The following MSRB3 variants were observed in gnomAD, a reference collection of about 807,000 sequenced individuals.
MSRB3 encodes methionine sulfoxide reductase B3.
MSRB3 carries 13 observed loss-of-function variants against 21.0 expected under a neutral mutation model. The ratio of observed to expected loss-of-function variants is 0.62; its 90% confidence interval spans 0.40 to 0.98. The LOEUF (loss-of-function observed/expected upper bound fraction) is 0.98. Among genes scored for constraint, MSRB3 ranks in the 50% least tolerant of loss-of-function variants. The pLI is 0.00. For synonymous variants in MSRB3, 87 were observed against 88.6 expected, an observed-to-expected ratio of 0.98 and a Z score of 0.10; for missense variants, 199 against 230.3, an observed-to-expected ratio of 0.86 and a Z score of 0.88.
At chr12:65,430,396 ACT>A (rs1330073666) in intron 5 of MSRB3, among the ~76,000 whole-genome samples, 2 of 152,112 alleles carry the variant, frequency 1.3e-5, no homozygotes, top group Non-Finnish European at 2.9e-5. Context: ...TGTACATTAT[ACT>A]CTGTTTGTCC....
chr12:65,398,061 A>G (rs539000050), intron 5 of MSRB3, among the ~76,000 whole-genome samples: 34 of 152,354 alleles, frequency 2.2e-4, no homozygotes, highest in African/African-American at 7.2e-4. Context: ...CAGTGCTGCA[A>G]TAAACATACG....
At chr12:65,394,556 A>G (rs1357447668) in intron 5 of MSRB3, among the ~76,000 whole-genome samples, 1 of 152,242 alleles carries the variant, frequency 6.6e-6, no homozygotes, top group Non-Finnish European at 1.5e-5. Context: ...CTCTTCCAAA[A>G]AATAGAAGAG....
At chr12:65,449,688 G>T (rs1565897444) in intron 5 of MSRB3, among the ~76,000 whole-genome samples, 1 of 152,172 alleles carries the variant, frequency 6.6e-6, no homozygotes, top group Admixed American at 6.5e-5. Flanking sequence ...TTCATGAGTA[G>T]TTTCTGCTGG....
At chr12:65,403,165 G>A (rs1880224591) in intron 5 of MSRB3, among the ~76,000 whole-genome samples, 1 of 152,358 alleles carries the variant, frequency 6.6e-6, no homozygotes, top group African/African-American at 2.4e-5. Flanking sequence ...TTCAGAGCTG[G>A]CAGGCAGGAA....
chr12:65,430,038 A>G (rs748229419), intron 5 of MSRB3, among the ~76,000 whole-genome samples: 12 of 152,082 alleles, frequency 7.9e-5, no homozygotes, highest in Non-Finnish European at 1.6e-4. Context: ...AGAGATGACA[A>G]TTGAATTGCC....
In MSRB3 at chr12:65,371,034, A is replaced by G. The variant is rs555174384; in HGVS notation, c.292+2008A>G. 2.4e-4 allele frequency among the ~76,000 whole-genome samples: 36 copies of G among 152,320 alleles called. No individual in the cohort carries two copies. In the South Asian group the frequency reaches 7.0e-3, roughly 30 times the overall value. On this transcript the variant is annotated intron_variant, in intron 5 of 6. Coordinates refer to ENST00000308259, the MANE Select transcript of MSRB3 (RefSeq NM_001031679.3). ...TATCATGAAAATTTTGGTTAGAAAT[A>G]AGGTAGCATAGGGCCGGGCACAGTG...
At chr12:65,458,425 A>G (rs1883185560) in intron 6 of MSRB3, among the ~76,000 whole-genome samples, 1 of 152,210 alleles carries the variant, frequency 6.6e-6, no homozygotes, top group Non-Finnish European at 1.5e-5. Context: ...TAATGTTTTT[A>G]GTAAAGATTT....
chr12:65,440,160 T>A (rs1362105781), intron 5 of MSRB3, among the ~76,000 whole-genome samples: 1 of 151,800 alleles, frequency 6.6e-6, no homozygotes, highest in Non-Finnish European at 1.5e-5. Context: ...TACTATAGCA[T>A]ATACTTAGTG....
chr12:65,300,558 T>G lies in MSRB3; in HGVS notation c.-51-7971T>G, dbSNP rs137864102. 5.3e-4 allele frequency among the ~76,000 whole-genome samples: 81 copies of G among 152,294 alleles called. 2 individuals are homozygous for G. Among genetic ancestry groups the G allele is most frequent in the African/African-American group, 1.8e-3 (76 of 41,564 alleles). ...GGAGTTTGGAATGTAGTAGAAGAGATTAAAATAAAGTTTAGTTCAAATTCT... is the reference window on the plus strand; with the variant it reads ...GGAGTTTGGAATGTAGTAGAAGAGAGTAAAATAAAGTTTAGTTCAAATTCT... On this transcript the variant is annotated intron_variant, in intron 1 of 6. Transcript: ENST00000308259.
intron 4 of MSRB3, among the ~76,000 whole-genome samples, chr12:65,362,540 G>A (rs1000632350): frequency 2.0e-5 from 3 of 152,210 alleles, no homozygotes; most frequent in Non-Finnish European, 1.5e-5. Context: ...TATTAGGTAG[G>A]CAATTAATAG....
chr12:65,451,890 A>T (rs1882873942), intron 5 of MSRB3, among the ~76,000 whole-genome samples: 1 of 152,212 alleles, frequency 6.6e-6, no homozygotes, highest in African/African-American at 2.4e-5. Flanking sequence ...TGTACTGGAC[A>T]CTGTGTTAGG....
At chr12:65,377,975 G>A (rs1878727192) in intron 5 of MSRB3, among the ~76,000 whole-genome samples, 1 of 152,106 alleles carries the variant, frequency 6.6e-6, no homozygotes, top group Non-Finnish European at 1.5e-5. Context: ...ATCATACTTG[G>A]AGGAGATCCA....
intron 5 of MSRB3, among the ~76,000 whole-genome samples, chr12:65,392,316 T>C (rs530671119): frequency 3.9e-5 from 6 of 152,310 alleles, no homozygotes; most frequent in Non-Finnish European, 8.8e-5. Flanking sequence ...AAATAGTGGA[T>C]GTCTATTTTT....
intron 5 of MSRB3, among the ~76,000 whole-genome samples, chr12:65,386,954 C>T (rs932913576): frequency 6.6e-6 from 1 of 152,120 alleles, no homozygotes; most frequent in Non-Finnish European, 1.5e-5. Flanking sequence ...ATTGGTTACA[C>T]AGATACATGC....
intron 5 of MSRB3, among the ~76,000 whole-genome samples, chr12:65,409,191 T>TACACAC (rs569976939): frequency 1.6e-4 from 24 of 151,426 alleles, no homozygotes; most frequent in Non-Finnish European, 1.2e-4. Context: ...TGTGTGTATA[T>TACACAC]ACACACACAC....
At chr12:65,344,262 A>C (rs983163640) in intron 4 of MSRB3, 1 of 151,774 alleles carries the variant, frequency 6.6e-6, no homozygotes, top group African/African-American at 2.4e-5. Context: ...AATTCTGGGA[A>C]GGTTTGTTTG....
intron 5 of MSRB3, among the ~76,000 whole-genome samples, chr12:65,391,968 G>C (rs572595937): frequency 1.3e-5 from 2 of 152,218 alleles, no homozygotes; most frequent in East Asian, 3.9e-4. Context: ...ACTCTCAAGG[G>C]CCTGCCTGAT....
chr12:65,460,406 CT>C (rs1186836849), intron 6 of MSRB3, among the ~76,000 whole-genome samples: 4 of 152,218 alleles, frequency 2.6e-5, no homozygotes, highest in Admixed American at 1.3e-4. Context: ...TTCTGGGAGA[CT>C]AGGTTTACCT....
chr12:65,303,793 T>C (rs1873483214), intron 1 of MSRB3, among the ~76,000 whole-genome samples: 1 of 152,140 alleles, frequency 6.6e-6, no homozygotes, highest in African/African-American at 2.4e-5. Flanking sequence ...TTTGGTGCTA[T>C]ACTGGGGACT....
Sources: allele counts gnomAD v4.1 joint callset (sites outside exome capture counted in the v4.1 genomes callset), GRCh38; gene constraint gnomAD v4.1.1; transcripts MANE v1.5; gene names NCBI Gene and HGNC (gene_info 2026-07-23, HGNC 2026-07-21).